YAP1: variants seen among roughly 807,000 people sequenced by gnomAD.
The protein encoded by YAP1 is transcriptional coactivator YAP1.
In YAP1, 5 loss-of-function variants were observed where a neutral mutation model predicts 56.9. The observed-to-expected ratio is 0.09, with a 90% CI of 0.05 to 0.18. YAP1 has a LOEUF of 0.18. YAP1 is among the 10% of genes least tolerant of loss of function. The probability of loss-of-function intolerance (pLI) is 1.00; values close to 1 mark genes in which losing one functional copy is unlikely to be tolerated. For missense variants in YAP1, 539 were observed against 651.8 expected, an observed-to-expected ratio of 0.83 and a Z score of 1.88; for synonymous variants, 265 against 248.1, an observed-to-expected ratio of 1.07 and a Z score of -0.64.
In YAP1 at chr11:102,144,739, C is replaced by G. The variant is rs571871489; in HGVS notation, c.573-17717C>G. On this transcript the variant is annotated intron_variant, in intron 2 of 8. Transcript: ENST00000282441. The stretch of plus-strand genomic sequence containing the variant: ...TTATTTAATAGAAATATTTAGAGAC[C>G]AGAAGCTTACTTTTAATTTTGCGAA... Among the ~76,000 whole-genome samples, 66 of 152,166 alleles carry G rather than the reference C, an allele frequency of 4.3e-4. 3 individuals are homozygous for G. The South Asian group carries it at 0.013, about 30-fold the overall frequency.
At chr11:102,162,244 T>G (rs1265409354) in intron 2 of YAP1, among the ~76,000 whole-genome samples, 3 of 152,212 alleles carry the variant, frequency 2.0e-5, no homozygotes, top group Non-Finnish European at 4.4e-5. Flanking sequence ...CTTTTTCAGA[T>G]GTTGCACTTG....
chr11:102,229,403 T>C (rs565516833), intron 8 of YAP1, among the ~76,000 whole-genome samples: 6 of 152,192 alleles, frequency 3.9e-5, no homozygotes, highest in Admixed American at 1.3e-4. Flanking sequence ...TTGTTCTTTC[T>C]CCCGCTGCTG....
chr11:102,212,662 G>A (rs947939069), intron 6 of YAP1, among the ~76,000 whole-genome samples: 1 of 151,884 alleles, frequency 6.6e-6, no homozygotes, highest in Admixed American at 6.6e-5. Context: ...TCTGCTCACC[G>A]CAACCTCTGC....
At chr11:102,197,565 A>G (rs1326613161) in intron 4 of YAP1, among the ~76,000 whole-genome samples, 3 of 152,178 alleles carry the variant, frequency 2.0e-5, no homozygotes, top group South Asian at 4.2e-4. Context: ...GTAGTCCCTT[A>G]TTTTTCAGTA....
rs2554993 is a variant in YAP1 at position 102,163,159 on chromosome 11, A to G, written c.688+588A>G. On this transcript the variant is annotated intron_variant, in intron 3 of 8. Coordinates refer to ENST00000282441, the MANE Select transcript of YAP1 (RefSeq NM_001130145.3). ...CTTCACCTTTTTTACTAGAAGATAA[A>G]CCTGAGTATAAATCTTTTTCTACCT... Among the ~76,000 whole-genome samples the G allele has an allele frequency of 2.6e-5, 4 of 152,118 alleles. No homozygotes were observed. In the East Asian group the frequency reaches 7.7e-4, roughly 29 times the overall value.
chr11:102,223,274 A>C (rs1305072598), intron 6 of YAP1, among the ~76,000 whole-genome samples: 1 of 150,080 alleles, frequency 6.7e-6, no homozygotes, highest in Non-Finnish European at 1.5e-5. Context: ...AAAAAAAAAG[A>C]AGAATTTTTT....
At chr11:102,169,699 G>C (rs1332746480) in intron 3 of YAP1, among the ~76,000 whole-genome samples, 2 of 152,038 alleles carry the variant, frequency 1.3e-5, no homozygotes, top group African/African-American at 4.8e-5. Context: ...GGTAAATTAA[G>C]AGAAATGGCC....
intron 6 of YAP1, among the ~76,000 whole-genome samples, chr11:102,221,069 T>C (rs1949905375): frequency 6.6e-6 from 1 of 152,210 alleles, no homozygotes; most frequent in Non-Finnish European, 1.5e-5. Context: ...GTCACTGGAA[T>C]CCAGAAGGTT....
chr11:102,136,708 A>G (rs1436310460), intron 2 of YAP1, among the ~76,000 whole-genome samples: 1 of 152,170 alleles, frequency 6.6e-6, no homozygotes, highest in African/African-American at 2.4e-5. Flanking sequence ...CTCAGAATTG[A>G]CTATGTATAT....
In YAP1 at chr11:102,186,055, G is replaced by A. The variant is rs749362249; in HGVS notation, c.726G>A (p.Gln242=). The change falls in exon 4 of 9, where the codon CAG becomes CAA. Residue 242 remains glutamine, a synonymous_variant. Coordinates refer to ENST00000282441, the MANE Select transcript of YAP1 (RefSeq NM_001130145.3). The part of the protein sequence containing the change: ...LPDGWEQAMT[Q]DGEIYYINHK... ...ATGGATGGGAACAAGCCATGACTCA[G>A]GATGGAGAAATTTACTATATAAACC... 6.2e-7 allele frequency: 1 copy of A among 1,611,152 alleles called. No individual in the cohort carries two copies. The highest frequency in any genetic ancestry group is 8.5e-7 in the Non-Finnish European group (1 of 1,179,060).
intron 6 of YAP1, among the ~76,000 whole-genome samples, chr11:102,213,580 T>C (rs1949520854): frequency 6.6e-6 from 1 of 152,208 alleles, no homozygotes; most frequent in Non-Finnish European, 1.5e-5. Context: ...TGGTCTGTGG[T>C]CAGTAGCCTT....
chr11:102,160,353 A>G (rs189143317), intron 2 of YAP1, among the ~76,000 whole-genome samples: 48 of 152,274 alleles, frequency 3.2e-4, no homozygotes, highest in Middle Eastern at 3.4e-3. Flanking sequence ...CAAACCACCA[A>G]CTTAAAGGTG....
chr11:102,145,285 A>T (rs1945266777), intron 2 of YAP1, among the ~76,000 whole-genome samples: 1 of 152,198 alleles, frequency 6.6e-6, no homozygotes, highest in Non-Finnish European at 1.5e-5. Context: ...GTAATTGGTT[A>T]GAATCTCACC....
At chr11:102,166,489 A>G (rs570812375) in intron 3 of YAP1, among the ~76,000 whole-genome samples, 14 of 152,322 alleles carry the variant, frequency 9.2e-5, no homozygotes, top group African/African-American at 3.4e-4. Flanking sequence ...ATGATCTTTT[A>G]AGGAGTTTTT....
chr11:102,145,370 A>G (rs1487712680), intron 2 of YAP1, among the ~76,000 whole-genome samples: 2 of 152,212 alleles, frequency 1.3e-5, no homozygotes, highest in Non-Finnish European at 2.9e-5. Context: ...AATTTCTTTA[A>G]AGAGTTCATG....
chr11:102,124,853 A>G (rs1393296720), intron 2 of YAP1, among the ~76,000 whole-genome samples: 1 of 152,084 alleles, frequency 6.6e-6, no homozygotes, highest in Non-Finnish European at 1.5e-5. Flanking sequence ...CTCCCTCCTC[A>G]GTGTCCTAAG....
At chr11:102,121,536 G>T (rs1181495006) in intron 2 of YAP1, among the ~76,000 whole-genome samples, 1 of 152,068 alleles carries the variant, frequency 6.6e-6, no homozygotes, top group Non-Finnish European at 1.5e-5. Context: ...GTGCTGTCCA[G>T]TCTGGAATGT....
In YAP1 at chr11:102,231,729, A is replaced by G. The variant is rs570986335; in HGVS notation, c.*1789A>G. The G allele has an allele frequency of 9.8e-5, 15 of 152,720 alleles. No homozygotes were observed. Among genetic ancestry groups the G allele is most frequent in the South Asian group, 8.3e-4 (4 of 4,826 alleles). The allele number at this position is 152,720 out of a possible 1,614,324, so 9.5% of individuals were successfully genotyped here. The stretch of plus-strand genomic sequence containing the variant: ...ACCTCTGTGTTTTAAGGGTCTTTCA[A>G]TGTTTCTAGAATAAGCCCTTATTTT... On this transcript the variant is annotated 3_prime_UTR_variant, in exon 9 of 9. Transcript: ENST00000282441.
At chr11:102,198,404 A>C (rs117512829) in intron 4 of YAP1, among the ~76,000 whole-genome samples, 1,793 of 152,296 alleles carry the variant, frequency 0.012, 19 homozygotes, top group Non-Finnish European at 0.02. Flanking sequence ...TTTTATTGCT[A>C]TTCAGTGTTT....
Sources: gnomAD v4.1 joint callset for allele counts (sites outside exome capture counted in the v4.1 genomes callset) on GRCh38, gnomAD v4.1.1 for gene constraint, MANE v1.5 for transcripts, NCBI Gene and HGNC (gene_info 2026-07-23, HGNC 2026-07-21) for gene names.